AHCYL1: variants seen among roughly 807,000 people sequenced by gnomAD.
The protein encoded by AHCYL1 is S-adenosylhomocysteine hydrolase-like protein 1.
A neutral mutation model predicts 79.3 loss-of-function variants in AHCYL1; 20 were observed. The observed-to-expected ratio is 0.25, with a 90% confidence interval of 0.18 to 0.37. The LOEUF is 0.37. Ranked by LOEUF, AHCYL1 falls within the 10% of genes least tolerant of loss-of-function variation. The probability of loss-of-function intolerance (pLI) is 1.00; values close to 1 mark genes in which losing one functional copy is unlikely to be tolerated. For synonymous variants in AHCYL1, 223 were observed against 242.2 expected, an observed-to-expected ratio of 0.92 and a Z score of 0.74; for missense variants, 330 against 673.6, an observed-to-expected ratio of 0.49 and a Z score of 5.65.
intron 1 of AHCYL1, among the ~76,000 whole-genome samples, chr1:109,985,902 CTG>C (rs1321098845): frequency 6.6e-6 from 1 of 152,128 alleles, no homozygotes; most frequent in Admixed American, 6.5e-5. Context: ...TCACTCTTGA[CTG>C]TACTTTTGAG....
Position 110,021,961 on chromosome 1 carries a change from G to A in AHCYL1, c.*281G>A. 5.1e-6 allele frequency: 2 copies of A among 393,010 alleles called. No homozygotes were observed. Among genetic ancestry groups the A allele is most frequent in the Non-Finnish European group, 9.0e-6 (2 of 221,452 alleles). 24.3% of individuals were successfully genotyped at this position (393,010 alleles called of 1,614,324 possible). On this transcript the variant is annotated 3_prime_UTR_variant, in exon 17 of 17. Transcript: ENST00000369799. The stretch of plus-strand genomic sequence containing the variant: ...TGATTCTTTCTTTACCATTTCTGGG[G>A]ACTTTAGTCTTAATTAGGTACCTTA...
At chr1:110,021,600 T>G in intron 16 of AHCYL1, 74 bp from the exon 17 acceptor site, 1 of 1,507,834 alleles carries the variant, frequency 6.6e-7, no homozygotes, top group Non-Finnish European at 9.2e-7. Context: ...GAGAAGGTGC[T>G]CTGTTTCCGA....
intron 5 of AHCYL1, among the ~76,000 whole-genome samples, chr1:110,013,936 G>A (rs550405614): frequency 7.9e-5 from 12 of 151,538 alleles, no homozygotes; most frequent in Non-Finnish European, 1.6e-4. Context: ...GAGTAGCTGG[G>A]ATTGCAGTGG....
At chr1:110,019,002 T>C (rs371819544) in intron 13 of AHCYL1, 49 bp from the exon 14 acceptor site, 22 of 1,579,842 alleles carry the variant, frequency 1.4e-5, no homozygotes, top group Non-Finnish European at 1.9e-5. Flanking sequence ...TTGTATGCCA[T>C]TGGAATCTGA....
chr1:109,994,206 A>G (rs188161370), intron 1 of AHCYL1, among the ~76,000 whole-genome samples: 8 of 152,350 alleles, frequency 5.3e-5, no homozygotes, highest in Admixed American at 6.5e-5. Context: ...CTTCAAGTGT[A>G]TAACTTAGGC....
chr1:110,008,162 C>T (rs376675552), intron 1 of AHCYL1, among the ~76,000 whole-genome samples: 16 of 152,006 alleles, frequency 1.1e-4, no homozygotes, highest in African/African-American at 3.6e-4. Context: ...GCTGGGACTA[C>T]AGGCACCCGC....
At chr1:110,002,550 T>C (rs1198101236) in intron 1 of AHCYL1, among the ~76,000 whole-genome samples, 1 of 152,200 alleles carries the variant, frequency 6.6e-6, no homozygotes, top group Non-Finnish European at 1.5e-5. Context: ...TGTGGAAGCA[T>C]TGATAGAAAA....
At chr1:110,008,446 AT>A (rs1650807072) in intron 1 of AHCYL1, among the ~76,000 whole-genome samples, 1 of 152,048 alleles carries the variant, frequency 6.6e-6, no homozygotes, top group Non-Finnish European at 1.5e-5. Context: ...GGTATTTTAA[AT>A]TTTTAATAGG....
chr1:109,990,596 C>A (rs1354891886), intron 1 of AHCYL1, among the ~76,000 whole-genome samples: 2 of 152,102 alleles, frequency 1.3e-5, no homozygotes, highest in Non-Finnish European at 2.9e-5. Context: ...TTTTTTCTGA[C>A]AAAAATGTTA....
At chr1:110,016,314 G>C (rs1381916912) in intron 7 of AHCYL1, 30 bp from the exon 8 acceptor site, 2 of 1,557,030 alleles carry the variant, frequency 1.3e-6, no homozygotes, top group Non-Finnish European at 1.7e-6. Context: ...CTTGGTTTTT[G>C]TTTGTTTTTG....
chr1:110,018,729 A>C, intron 13 of AHCYL1, 79 bp downstream of exon 13: 1 of 1,280,964 alleles, frequency 7.8e-7, no homozygotes, highest in South Asian at 1.3e-5. Context: ...AGGGAAACAA[A>C]TATTAGGCCT....
At chr1:109,988,536 G>C (rs1649588804) in intron 1 of AHCYL1, among the ~76,000 whole-genome samples, 1 of 152,138 alleles carries the variant, frequency 6.6e-6, no homozygotes, top group African/African-American at 2.4e-5. Context: ...TTTGGAAATT[G>C]ACACTGTGTC....
rs187624731 is a variant in AHCYL1 at position 109,984,817 on chromosome 1, G to T, written c.-236G>T. ...GAGGTGGCGGCGCGGGCAGGTCGGA[G>T]CTCGGAGCTGCTGTTCTGGTTCTCT... is the stretch of plus-strand genomic sequence containing the variant. On this transcript the variant is annotated 5_prime_UTR_variant, in exon 1 of 17. Transcript: ENST00000369799. 16 of 325,228 alleles carry T rather than the reference G, an allele frequency of 4.9e-5. No individual in the cohort carries two copies. The African/African-American group carries it at 6.3e-4, about 13-fold the overall frequency. 20.1% of individuals were successfully genotyped at this position (325,228 alleles called of 1,614,324 possible).
intron 1 of AHCYL1, among the ~76,000 whole-genome samples, chr1:110,000,119 C>A (rs1260869210): frequency 1.3e-5 from 2 of 152,170 alleles, no homozygotes; most frequent in African/African-American, 4.8e-5. Flanking sequence ...AAAGTATATT[C>A]TCTGTTGCAT....
intron 1 of AHCYL1, among the ~76,000 whole-genome samples, chr1:109,986,512 A>G (rs890748566): frequency 6.6e-5 from 10 of 152,190 alleles, no homozygotes; most frequent in African/African-American, 2.4e-4. Context: ...AGTTCAGTTG[A>G]CTGCTTTGTT....
chr1:110,010,386 C>T (rs898100329), intron 2 of AHCYL1, among the ~76,000 whole-genome samples: 11 of 152,272 alleles, frequency 7.2e-5, no homozygotes, highest in African/African-American at 2.4e-4. Flanking sequence ...GGAAAGTACT[C>T]AATTCAGAGA....
intron 1 of AHCYL1, among the ~76,000 whole-genome samples, chr1:110,002,933 T>A (rs1650397439): frequency 6.6e-6 from 1 of 152,170 alleles, no homozygotes; most frequent in African/African-American, 2.4e-5. Context: ...ATTCAAAACA[T>A]GAGTGATTTT....
intron 1 of AHCYL1, among the ~76,000 whole-genome samples, chr1:109,992,467 C>T (rs1234200276): frequency 6.6e-6 from 1 of 151,214 alleles, no homozygotes; most frequent in African/African-American, 2.4e-5. Context: ...CCTCTTTGAC[C>T]AGACCCACCC....
Position 110,012,953 on chromosome 1 carries a change from C to T in AHCYL1, c.534C>T (p.Asn178=). 1.2e-6 allele frequency: 2 copies of T among 1,613,356 alleles called. No homozygotes were observed. The highest frequency in any genetic ancestry group is 3.3e-5 in the Admixed American group (2 of 59,954). ...CTCAGTGCCGCTGGTCTGCTTGTAA[C>T]ATCTACTCAACTCAGAATGAAGTAG... ...LGAQCRWSAC[N]IYSTQNEVAA... is the part of the protein sequence containing the mutation. The change falls in exon 5 of 17, where the codon AAC becomes AAT. Residue 178 remains asparagine (N), a synonymous_variant. Transcript: ENST00000369799.
Sources: allele counts gnomAD v4.1 joint callset (sites outside exome capture counted in the v4.1 genomes callset), GRCh38; gene constraint gnomAD v4.1.1; transcripts MANE v1.5; gene names NCBI Gene and HGNC (gene_info 2026-07-23, HGNC 2026-07-21).